Variants in DNM1 observed in about 807,000 individuals in gnomAD.
DNM1 encodes dynamin-1.
In DNM1, 29 loss-of-function variants were observed where a neutral mutation model predicts 104.6. The observed-to-expected ratio is 0.28, with a 90% CI of 0.21 to 0.38. The LOEUF (loss-of-function observed/expected upper bound fraction) is 0.38. DNM1 is among the 10% of genes least tolerant of loss of function. The probability of loss-of-function intolerance (pLI) is 1.00; values close to 1 mark genes in which losing one functional copy is unlikely to be tolerated. For missense variants in DNM1, 640 were observed against 1,189.4 expected, an observed-to-expected ratio of 0.54 and a Z score of 6.79; for synonymous variants, 445 against 475.8, an observed-to-expected ratio of 0.94 and a Z score of 0.84.
At chr9:128,216,833 A>G (rs908929882) in intron 1 of DNM1, among the ~76,000 whole-genome samples, 4 of 152,106 alleles carry the variant, frequency 2.6e-5, no homozygotes, top group African/African-American at 9.7e-5. Context: ...GCTTGAATGT[A>G]TCTTTTTCCC....
At chr9:128,217,035 C>A (rs1045761250) in intron 1 of DNM1, among the ~76,000 whole-genome samples, 3 of 152,166 alleles carry the variant, frequency 2.0e-5, no homozygotes, top group Non-Finnish European at 4.4e-5. Context: ...ATGAAAAGAG[C>A]TGACTGGACA....
At chr9:128,244,297 T>C (rs1368715838) in intron 15 of DNM1, among the ~76,000 whole-genome samples, 3 of 151,498 alleles carry the variant, frequency 2.0e-5, no homozygotes, top group Admixed American at 1.3e-4. Context: ...GGGTGTGAGA[T>C]TGAAAGTGTG....
intron 9 of DNM1, 189 bp downstream of exon 9, chr9:128,223,049 C>T (rs924422614): frequency 1.6e-6 from 1 of 612,434 alleles, no homozygotes; most frequent in South Asian, 2.0e-5. Context: ...CGGGCCACCC[C>T]GCCTACTGCA....
In DNM1 at chr9:128,243,337, G is replaced by T. The variant is rs1209355893; in HGVS notation, c.1671+992G>T. ...AACTCCAGCTGGCCAAGGAGTGGGG[G>T]AAGGGACCCTCTTCTTCCTGAGGGG... On this transcript the variant is annotated intron_variant, in intron 15 of 21. Coordinates refer to ENST00000372923, the MANE Select transcript of DNM1 (RefSeq NM_004408.4). The surrounding 1 kb of genome is among the most constrained non-coding windows in gnomAD (Gnocchi z 4.0). Among the ~76,000 whole-genome samples, 1 of 152,166 alleles carries T rather than the reference G, an allele frequency of 6.6e-6. No individual in the cohort carries two copies. Among genetic ancestry groups the T allele is most frequent in the Non-Finnish European group, 1.5e-5 (1 of 68,018 alleles).
chr9:128,223,621 G>C (rs971449285), intron 9 of DNM1: 1 of 152,180 alleles, frequency 6.6e-6, no homozygotes, highest in Non-Finnish European at 1.5e-5. Context: ...TCTATTCCTG[G>C]AAAGGCTCTT....
chr9:128,222,651 C>G lies in DNM1; in HGVS notation c.1128+55C>G. ...GCTCAGGACTCCCCCCACCCTCACT[C>G]AGGACTCTCTCTGCGTGTGTTTTTG... On this transcript the variant is annotated intron_variant, in intron 8 of 21. Transcript: ENST00000372923. The surrounding 1 kb of genome is among the most constrained non-coding windows in gnomAD (Gnocchi z 7.8). 1 of 1,609,326 alleles carries G rather than the reference C, an allele frequency of 6.2e-7. No homozygotes were observed. Among genetic ancestry groups the G allele is most frequent in the South Asian group, 1.1e-5 (1 of 90,734 alleles).
chr9:128,212,344 G>A (rs544420485), intron 1 of DNM1, among the ~76,000 whole-genome samples: 1 of 152,330 alleles, frequency 6.6e-6, no homozygotes, highest in Admixed American at 6.5e-5. Flanking sequence ...GCATGGTGGT[G>A]CACACATGTA....
chr9:128,212,472 T>TGGAA (rs1012698596), intron 1 of DNM1, among the ~76,000 whole-genome samples: 7 of 151,502 alleles, frequency 4.6e-5, no homozygotes, highest in Admixed American at 1.3e-4. Context: ...AAGACCCGGC[T>TGGAA]GGAAGGAAGG....
chr9:128,227,560 T>G (rs762279248), intron 10 of DNM1, among the ~76,000 whole-genome samples: 51 of 151,698 alleles, frequency 3.4e-4, no homozygotes, highest in Non-Finnish European at 6.9e-4. Flanking sequence ...TTTTGTATTT[T>G]TAGTAGAGAC....
At chr9:128,232,152 T>C (rs1588402559) in intron 10 of DNM1, 2 of 421,826 alleles carry the variant, frequency 4.7e-6, no homozygotes, top group African/African-American at 2.0e-5. Context: ...TCATGCTCTT[T>C]GGCAAATTGC....
In DNM1 at chr9:128,250,126, C is replaced by T; in HGVS notation, c.2088C>T (p.Phe696=). ...MHLMINNTKE[F]IFSELLANLY... ...TTGCCTACTCGCAGACCAAGGAGTT[C>T]ATCTTCTCGGAGCTGCTGGCCAACC... Residue 696 remains phenylalanine (F), a synonymous_variant, in exon 20 of 22, where the codon TTC becomes TTT. Transcript: ENST00000372923. The T allele has an allele frequency of 6.2e-7, 1 of 1,614,134 alleles. No individual in the cohort carries two copies. Among genetic ancestry groups the T allele is most frequent in the Non-Finnish European group, 8.5e-7 (1 of 1,180,004 alleles).
intron 10 of DNM1, among the ~76,000 whole-genome samples, chr9:128,229,769 C>T (rs551573593): frequency 1.8e-4 from 27 of 151,864 alleles, no homozygotes; most frequent in Non-Finnish European, 3.5e-4. Context: ...AAAAATTAGC[C>T]GGGTGTGGTG....
Position 128,222,206 on chromosome 9 carries a change from A to C in DNM1, c.859A>C (p.Asn287His). 1.2e-6 allele frequency: 2 copies of C among 1,613,298 alleles called. No homozygotes were observed. Among genetic ancestry groups the C allele is most frequent in the Non-Finnish European group, 1.7e-6 (2 of 1,179,516 alleles). Residue 287 changes from asparagine to histidine, a missense_variant, in exon 7 of 22, where the codon AAC becomes CAC. Coordinates refer to ENST00000372923, the MANE Select transcript of DNM1 (RefSeq NM_004408.4). The surrounding 1 kb of genome is among the most constrained non-coding windows in gnomAD (Gnocchi z 7.8). ...TCACCCTTACCCCCAGCAACTGACG[A>C]ACCACATCCGGGACACACTGCCGGG... ...LQKVLNQQLT[N>H]HIRDTLPGLR...
chr9:128,220,726 AGTGC>A lies in DNM1; in HGVS notation c.849+387_849+390del, dbSNP rs369476398. ...TCTGGAATGGGGCATCCAGAACTGAAGTGCGCGCGCGCGCGCGTGTGTGTGTGTG... is the reference window on the plus strand; with the variant it reads ...TCTGGAATGGGGCATCCAGAACTGAAGCGCGCGCGCGCGTGTGTGTGTGTG... On this transcript the variant is annotated intron_variant, in intron 6 of 21. Coordinates refer to ENST00000372923, the MANE Select transcript of DNM1 (RefSeq NM_004408.4). This position sits in a 1 kb window ranked among gnomAD's most constrained non-coding sequence, Gnocchi z 5.2. 0.077 allele frequency among the ~76,000 whole-genome samples: 10,211 copies of A among 133,312 alleles called. 434 individuals are homozygous for A. The highest frequency in any genetic ancestry group is 0.14 in the Middle Eastern group (36 of 264). 87.5% of individuals were successfully genotyped at this position (133,312 alleles called of 152,430 possible). A position where few individuals can be genotyped will look rare whatever the true frequency, so the allele number is the denominator to read the frequency against.
At chr9:128,211,558 C>T (rs1163414025) in intron 1 of DNM1, among the ~76,000 whole-genome samples, 5 of 145,770 alleles carry the variant, frequency 3.4e-5, no homozygotes, top group East Asian at 2.2e-4. Flanking sequence ...GGCCTCAAGC[C>T]AGGTCTCAAA....
chr9:128,233,768 G>A (rs956207737), intron 10 of DNM1: 6 of 553,626 alleles, frequency 1.1e-5, no homozygotes, highest in East Asian at 3.2e-5. Context: ...AAGTTGCCCA[G>A]GTAGGCCAGT....
chr9:128,235,507 A>AT (rs1323246002), intron 11 of DNM1, among the ~76,000 whole-genome samples: 2 of 152,044 alleles, frequency 1.3e-5, no homozygotes, highest in Non-Finnish European at 2.9e-5. Context: ...AAAAAAAAAA[A>AT]GCTGCTTCCT....
chr9:128,254,193 C>T lies in DNM1; in HGVS notation c.2535-461C>T, dbSNP rs1829708599. 6 of 1,321,974 alleles carry T rather than the reference C, an allele frequency of 4.5e-6. No homozygotes were observed. Among genetic ancestry groups the T allele is most frequent in the Non-Finnish European group, 5.7e-6 (6 of 1,043,690 alleles). The allele number at this position is 1,321,974 out of a possible 1,614,324, so 81.9% of individuals were successfully genotyped here. On this transcript the variant is annotated intron_variant, in intron 21 of 21. Coordinates refer to ENST00000372923, the MANE Select transcript of DNM1 (RefSeq NM_004408.4). The surrounding 1 kb of genome is among the most constrained non-coding windows in gnomAD (Gnocchi z 6.1). ...GGCCTCCGGCGCTCCCTCCAGCCAT[C>T]CCTTTTAGTTTCACCCTCCTGGTTC...
chr9:128,219,004 G>T, intron 3 of DNM1, 45 bp from the exon 4 acceptor site: 1 of 1,604,216 alleles, frequency 6.2e-7, no homozygotes. Flanking sequence ...CTCGCCCGCG[G>T]CCACGCCCCT....
Sources: allele counts gnomAD v4.1 joint callset (sites outside exome capture counted in the v4.1 genomes callset), GRCh38; gene constraint gnomAD v4.1.1; non-coding constraint Gnocchi (gnomAD v3.1); transcripts MANE v1.5; gene names NCBI Gene and HGNC (gene_info 2026-07-23, HGNC 2026-07-21).